Variants in REC114 observed in about 807,000 individuals in gnomAD.
The protein encoded by REC114 is meiotic recombination protein REC114.
In REC114, 27 loss-of-function variants were observed where a neutral mutation model predicts 31.3. The observed-to-expected ratio is 0.86, with a 90% CI of 0.64 to 1.19. The LOEUF (loss-of-function observed/expected upper bound fraction) is 1.19, where lower values mean the gene tolerates loss of function less well. Among genes scored for constraint, REC114 ranks in the 50% most tolerant of loss-of-function variants. REC114 has a pLI of 0.00. For synonymous variants in REC114, 134 were observed against 127.7 expected, an observed-to-expected ratio of 1.05 and a Z score of -0.33; for missense variants, 344 against 326.9, an observed-to-expected ratio of 1.05 and a Z score of -0.40.
In REC114 at chr15:73,496,351, CAAAAA is replaced by C. The variant is rs539098846; in HGVS notation, c.249+22453_249+22457del. 9.8e-3 allele frequency among the ~76,000 whole-genome samples: 201 copies of C among 20,490 alleles called. 1 individual carries two copies. The highest frequency in any genetic ancestry group is 0.028 in the African/African-American group (188 of 6,706). 13.4% of individuals were successfully genotyped at this position (20,490 alleles called of 152,430 possible). On this transcript the variant is annotated intron_variant, in intron 2 of 5. Coordinates refer to ENST00000331090, the MANE Select transcript of REC114 (RefSeq NM_001042367.2). ...CTGGTGACAGAGCAAGACTCCTTCTCAAAAAAAAAAAAAAAAAAAAAAAAAAAGTT... is the reference window on the plus strand; with the variant it reads ...CTGGTGACAGAGCAAGACTCCTTCTCAAAAAAAAAAAAAAAAAAAAAAGTT...
intron 2 of REC114, among the ~76,000 whole-genome samples, chr15:73,505,658 A>T (rs57952659): frequency 0.044 from 6,621 of 152,088 alleles, 514 homozygotes; most frequent in African/African-American, 0.15. Flanking sequence ...CAGCCTCCTG[A>T]GTAGCTGGGA....
chr15:73,518,280 C>T (rs150131283), intron 2 of REC114, among the ~76,000 whole-genome samples: 6 of 152,226 alleles, frequency 3.9e-5, no homozygotes, highest in East Asian at 1.9e-4. Context: ...TTGAAATATC[C>T]AGGATAGGAG....
At chr15:73,496,249 G>A (rs1893521846) in intron 2 of REC114, among the ~76,000 whole-genome samples, 1 of 150,794 alleles carries the variant, frequency 6.6e-6, no homozygotes, top group Non-Finnish European at 1.5e-5. Context: ...CTACTCGGGA[G>A]GCTGAAGCAG....
intron 5 of REC114, among the ~76,000 whole-genome samples, chr15:73,558,408 G>A (rs1894506931): frequency 6.6e-6 from 1 of 152,174 alleles, no homozygotes; most frequent in Non-Finnish European, 1.5e-5. Context: ...TGGGACTGTG[G>A]ATCCGGTGTT....
intron 1 of REC114, among the ~76,000 whole-genome samples, chr15:73,466,550 G>A (rs996022152): frequency 1.1e-4 from 16 of 151,786 alleles, no homozygotes; most frequent in African/African-American, 3.4e-4. Flanking sequence ...CAAGACTCCC[G>A]CTGGGGGAAG....
intron 2 of REC114, among the ~76,000 whole-genome samples, chr15:73,488,130 C>G (rs930070363): frequency 5.9e-5 from 9 of 152,326 alleles, no homozygotes; most frequent in African/African-American, 1.9e-4. Context: ...GCAGTGAGCA[C>G]CAAGGTCAAT....
chr15:73,527,265 T>C (rs1295213930), intron 2 of REC114, among the ~76,000 whole-genome samples: 1 of 152,236 alleles, frequency 6.6e-6, no homozygotes, highest in East Asian at 1.9e-4. Flanking sequence ...TTGTTCTTGC[T>C]CAGTCTTATG....
chr15:73,454,221 T>C (rs573789494), intron 1 of REC114, among the ~76,000 whole-genome samples: 20 of 152,152 alleles, frequency 1.3e-4, no homozygotes, highest in Admixed American at 2.6e-4. Context: ...TTATCAGTGC[T>C]AAAGAGAGTT....
chr15:73,451,707 T>C (rs1892851719), intron 1 of REC114, among the ~76,000 whole-genome samples: 1 of 152,200 alleles, frequency 6.6e-6, no homozygotes, highest in Non-Finnish European at 1.5e-5. Flanking sequence ...CCAATATCCC[T>C]GATGAACATT....
chr15:73,546,777 G>C (rs1028156276), intron 3 of REC114, among the ~76,000 whole-genome samples: 3 of 144,548 alleles, frequency 2.1e-5, no homozygotes, highest in Non-Finnish European at 3.0e-5. Flanking sequence ...TTGTGTCATT[G>C]CACTCCAGCC....
chr15:73,448,942 A>G (rs191238966), intron 1 of REC114, among the ~76,000 whole-genome samples: 1 of 152,308 alleles, frequency 6.6e-6, no homozygotes, highest in African/African-American at 2.4e-5. Flanking sequence ...AGAAAGGAAT[A>G]GTATCAACAT....
At chr15:73,473,205 A>G (rs1435801691) in intron 1 of REC114, among the ~76,000 whole-genome samples, 3 of 152,268 alleles carry the variant, frequency 2.0e-5, no homozygotes, top group Admixed American at 6.5e-5. Flanking sequence ...CCTGACGAAC[A>G]TGGTGAAACC....
At position 73,559,887 on chromosome 15, in the gene REC114, C is replaced by A; in HGVS notation, c.772C>A (p.Leu258Met). 2 of 1,611,758 alleles carry A rather than the reference C, an allele frequency of 1.2e-6. No homozygotes were observed. Among genetic ancestry groups the A allele is most frequent in the South Asian group, 1.1e-5 (1 of 90,714 alleles). The change falls in exon 6 of 6, where the codon CTG (leucine) becomes ATG (methionine). Residue 258 changes from leucine to methionine, a missense_variant. Leu to Met is a conservative substitution (Grantham distance 15, BLOSUM62 2). Coordinates refer to ENST00000331090, the MANE Select transcript of REC114 (RefSeq NM_001042367.2). ...ATTTGTGGAAGAGGTAGAAAAGGAA[C>A]TGAAAAAGCTGGCGGGTTTGAGAAA... ...PAFVEEVEKELKKLAGLRN is the reference protein window; with the variant it reads ...PAFVEEVEKEMKKLAGLRN
intron 2 of REC114, among the ~76,000 whole-genome samples, chr15:73,519,310 G>A (rs921742399): frequency 2.0e-5 from 3 of 152,120 alleles, no homozygotes; most frequent in Non-Finnish European, 4.4e-5. Context: ...GTAAGGACAC[G>A]ATGAGAAAAT....
intron 2 of REC114, among the ~76,000 whole-genome samples, chr15:73,477,377 T>C (rs1893229731): frequency 6.6e-6 from 1 of 152,178 alleles, no homozygotes; most frequent in African/African-American, 2.4e-5. Context: ...GGTTTATCCT[T>C]TTTGTATACT....
chr15:73,541,953 TC>T (rs2141330858), intron 3 of REC114, among the ~76,000 whole-genome samples: 2 of 152,248 alleles, frequency 1.3e-5, no homozygotes, highest in African/African-American at 4.8e-5. Flanking sequence ...ATATACTATA[TC>T]AGTTAGGATT....
At chr15:73,478,317 A>G (rs1297427804) in intron 2 of REC114, among the ~76,000 whole-genome samples, 2 of 149,910 alleles carry the variant, frequency 1.3e-5, no homozygotes, top group East Asian at 2.0e-4. Flanking sequence ...GCACGTGGAT[A>G]TCGATTATTT....
chr15:73,523,742 C>T (rs1273597785), intron 2 of REC114, among the ~76,000 whole-genome samples: 1 of 152,062 alleles, frequency 6.6e-6, no homozygotes, highest in Non-Finnish European at 1.5e-5. Context: ...ATGGTTCATA[C>T]TTTTTGTGTC....
At chr15:73,554,188 G>A (rs1306458081) in intron 4 of REC114, among the ~76,000 whole-genome samples, 3 of 152,220 alleles carry the variant, frequency 2.0e-5, no homozygotes, top group East Asian at 1.9e-4. Context: ...CAGATGATAA[G>A]TTAAAGCCAT....
Sources: allele counts gnomAD v4.1 joint callset (sites outside exome capture counted in the v4.1 genomes callset), GRCh38; gene constraint gnomAD v4.1.1; transcripts MANE v1.5; gene names NCBI Gene and HGNC (gene_info 2026-07-23, HGNC 2026-07-21).